The following CLRN1 variants were observed in gnomAD, a reference collection of about 807,000 sequenced individuals.
CLRN1 encodes clarin-1.
A neutral mutation model predicts 18.7 loss-of-function variants in CLRN1; 15 were observed. The observed-to-expected ratio is 0.80, with a 90% CI of 0.54 to 1.23. CLRN1 has a LOEUF of 1.23. CLRN1 is among the 50% of genes most tolerant of loss of function. CLRN1 has a pLI of 0.00. For synonymous variants in CLRN1, 104 were observed against 102.9 expected (o/e 1.01, Z -0.07); for missense variants, 311 against 277.5 (o/e 1.12, Z -0.86).
intron 1 of CLRN1, among the ~76,000 whole-genome samples, chr3:150,967,810 G>T (rs1053735389): frequency 6.6e-6 from 1 of 152,176 alleles, no homozygotes; most frequent in East Asian, 1.9e-4. Context: ...AACTCTCAGT[G>T]ACAGGCACTG....
At chr3:150,935,464 G>A (rs1343192209) in intron 2 of CLRN1, among the ~76,000 whole-genome samples, 4 of 151,752 alleles carry the variant, frequency 2.6e-5, no homozygotes, top group African/African-American at 9.7e-5. Context: ...TCCCTACAAA[G>A]GACATGAACT....
intron 2 of CLRN1, among the ~76,000 whole-genome samples, chr3:150,935,432 AT>A (rs1328929433): frequency 6.6e-6 from 1 of 151,488 alleles, no homozygotes; most frequent in African/African-American, 2.4e-5. Flanking sequence ...GCTGAGGATG[AT>A]GGTTTCCAGC....
intron 2 of CLRN1, among the ~76,000 whole-genome samples, chr3:150,941,158 A>G (rs1043740661): frequency 8.7e-6 from 1 of 115,340 alleles, no homozygotes; most frequent in African/African-American, 2.8e-5. Flanking sequence ...CTATCTATCT[A>G]TCTATCTATC....
intron 1 of CLRN1, among the ~76,000 whole-genome samples, chr3:150,966,593 A>G (rs913024882): frequency 2.6e-5 from 4 of 152,220 alleles, no homozygotes; most frequent in Admixed American, 2.6e-4. Flanking sequence ...CCACTAATCC[A>G]TCTTGCCAGA....
Position 150,926,784 on chromosome 3 carries a change from C to T in CLRN1, c.*1152G>A. ...GCCTAGTGATCTGTTTGCTGTCATTCTCTGCTTTTTCCTTGGTGCTTTCTG... is the reference window on the plus strand; with the variant it reads ...GCCTAGTGATCTGTTTGCTGTCATTTTCTGCTTTTTCCTTGGTGCTTTCTG... On this transcript the variant is annotated 3_prime_UTR_variant, in exon 3 of 3. Transcript: ENST00000327047. 6.2e-7 allele frequency: 1 copy of T among 1,613,790 alleles called. No homozygotes were observed. Among genetic ancestry groups the T allele is most frequent in the South Asian group, 1.1e-5 (1 of 91,058 alleles).
chr3:150,937,358 G>A (rs1489856168), intron 2 of CLRN1, among the ~76,000 whole-genome samples: 2 of 152,118 alleles, frequency 1.3e-5, no homozygotes, highest in Non-Finnish European at 2.9e-5. Flanking sequence ...GTCAATGTTT[G>A]ACAAATACGT....
intron 1 of CLRN1, among the ~76,000 whole-genome samples, chr3:150,954,838 A>G (rs1714660063): frequency 6.6e-6 from 1 of 152,246 alleles, no homozygotes; most frequent in Admixed American, 6.5e-5. Flanking sequence ...TAGATATCCA[A>G]TTGTTTCAGA....
intron 1 of CLRN1, among the ~76,000 whole-genome samples, chr3:150,969,598 T>A (rs1311090698): frequency 6.6e-6 from 1 of 152,050 alleles, no homozygotes; most frequent in Non-Finnish European, 1.5e-5. Context: ...AAAGTTGGGA[T>A]TACAGGCGTG....
At chr3:150,935,758 C>T (rs1713445708) in intron 2 of CLRN1, among the ~76,000 whole-genome samples, 2 of 150,588 alleles carry the variant, frequency 1.3e-5, no homozygotes, top group Admixed American at 1.3e-4. Context: ...TATAGTCCCA[C>T]CAACAGTGTA....
At chr3:150,972,778 C>G, upstream of CLRN1, 2 of 1,606,304 alleles carry the variant, frequency 1.2e-6, no homozygotes, top group Non-Finnish European at 1.7e-6. Context: ...AAGGGACTGC[C>G]TCTTTGACTG....
In CLRN1 at chr3:150,941,658, G is replaced by T; in HGVS notation, c.357C>A (p.Phe119Leu). The change falls in exon 2 of 3, where the codon TTC becomes TTA. Residue 119 changes from phenylalanine to leucine, a missense_variant. Phe to Leu is a conservative substitution (Grantham distance 22, BLOSUM62 0). Transcript: ENST00000327047. ...IVLTMVGTAF[F>L]MYNAFGKPFE... ...AAGGTTTTCCAAAAGCATTGTACATGAAGAAGGCTGTCCCCACCATGGTTA... is the reference window on the plus strand; with the variant it reads ...AAGGTTTTCCAAAAGCATTGTACATTAAGAAGGCTGTCCCCACCATGGTTA... 1 of 1,614,076 alleles carries T rather than the reference G, an allele frequency of 6.2e-7. No homozygotes were observed. Among genetic ancestry groups the T allele is most frequent in the South Asian group, 1.1e-5 (1 of 91,086 alleles).
intron 1 of CLRN1, among the ~76,000 whole-genome samples, chr3:150,968,995 T>G (rs918467421): frequency 6.6e-6 from 1 of 151,828 alleles, no homozygotes; most frequent in African/African-American, 2.4e-5. Context: ...TCTTGCCTAT[T>G]AAACTCTCTG....
At chr3:150,940,955 A>G (rs1713785071) in intron 2 of CLRN1, among the ~76,000 whole-genome samples, 1 of 152,186 alleles carries the variant, frequency 6.6e-6, no homozygotes, top group African/African-American at 2.4e-5. Flanking sequence ...TGTGGGCGGA[A>G]CACTGGCCCT....
At chr3:150,942,371 G>T (rs1000978808) in intron 1 of CLRN1, among the ~76,000 whole-genome samples, 2 of 152,120 alleles carry the variant, frequency 1.3e-5, no homozygotes, top group African/African-American at 4.8e-5. Flanking sequence ...TTGTGTTCAG[G>T]GCAAGTTTTT....
chr3:150,965,523 C>T (rs1485803413), intron 1 of CLRN1, among the ~76,000 whole-genome samples: 1 of 152,134 alleles, frequency 6.6e-6, no homozygotes, highest in East Asian at 1.9e-4. Flanking sequence ...CAGAGACCCA[C>T]CCAATATTTT....
chr3:150,947,733 T>A (rs1402017546), intron 1 of CLRN1, among the ~76,000 whole-genome samples: 1 of 152,056 alleles, frequency 6.6e-6, no homozygotes, highest in Non-Finnish European at 1.5e-5. Context: ...AAAATAGAAG[T>A]CAAGACTAAG....
intron 1 of CLRN1, among the ~76,000 whole-genome samples, chr3:150,951,522 G>C (rs11720800): frequency 0.19 from 29,210 of 151,972 alleles, 3,374 homozygotes; most frequent in East Asian, 0.39. Flanking sequence ...ATTTTCAGTA[G>C]AGATGGGGTT....
intron 1 of CLRN1, among the ~76,000 whole-genome samples, chr3:150,969,121 A>C (rs1715404383): frequency 6.6e-6 from 1 of 151,476 alleles, no homozygotes; most frequent in Non-Finnish European, 1.5e-5. Context: ...GAAAAAAAAA[A>C]ACAATGTAAA....
intron 1 of CLRN1, among the ~76,000 whole-genome samples, chr3:150,957,238 TACAC>T (rs34726423): frequency 0.2 from 28,823 of 146,902 alleles, 2,759 homozygotes; most frequent in South Asian, 0.32. Flanking sequence ...TCCCATTTTA[TACAC>T]ACACACACAC....
Sources: allele counts gnomAD v4.1 joint callset (sites outside exome capture counted in the v4.1 genomes callset), GRCh38; gene constraint gnomAD v4.1.1; transcripts MANE v1.5; gene names NCBI Gene and HGNC (gene_info 2026-07-23, HGNC 2026-07-21).